Variants in ABAT observed in about 807,000 individuals in gnomAD.
ABAT encodes 4-aminobutyrate aminotransferase.
In ABAT, 45 loss-of-function variants were observed where a neutral mutation model predicts 64.6. That is an observed-to-expected ratio of 0.70 (90% CI 0.55 to 0.89). The LOEUF (loss-of-function observed/expected upper bound fraction) is 0.89, where lower values mean the gene tolerates loss of function less well. Ranked by LOEUF, ABAT falls within the 40% of genes least tolerant of loss-of-function variation. The probability of loss-of-function intolerance (pLI) is 0.00; values close to 1 mark genes in which losing one functional copy is unlikely to be tolerated. For missense variants in ABAT, 633 were observed against 658.4 expected, an observed-to-expected ratio of 0.96 and a Z score of 0.42; for synonymous variants, 297 against 250.5, an observed-to-expected ratio of 1.19 and a Z score of -1.75.
intron 1 of ABAT, among the ~76,000 whole-genome samples, chr16:8,682,089 G>C (rs1176596285): frequency 6.6e-6 from 1 of 151,974 alleles, no homozygotes; most frequent in Non-Finnish European, 1.5e-5. Flanking sequence ...AGTGTCCCCT[G>C]GGGAACAAGA....
chr16:8,732,921 C>T (rs1349192038), intron 1 of ABAT, among the ~76,000 whole-genome samples: 1 of 149,212 alleles, frequency 6.7e-6, no homozygotes, highest in Non-Finnish European at 1.5e-5. Flanking sequence ...GCTGGCCGGG[C>T]GGGGGGCTGA....
intron 2 of ABAT, among the ~76,000 whole-genome samples, chr16:8,744,733 T>A (rs1240236311): frequency 6.6e-6 from 1 of 151,492 alleles, no homozygotes; most frequent in East Asian, 2.0e-4. Context: ...CCGGGTGTAG[T>A]GGTAGGCACC....
chr16:8,693,712 G>A (rs1334901753), intron 1 of ABAT, among the ~76,000 whole-genome samples: 1 of 152,146 alleles, frequency 6.6e-6, no homozygotes, highest in Non-Finnish European at 1.5e-5. Context: ...CAAGTGATCT[G>A]CCTGCCTCAG....
In ABAT at chr16:8,776,551, G is replaced by A; in HGVS notation, c.1269+61G>A. 2 of 1,500,224 alleles carry A rather than the reference G, an allele frequency of 1.3e-6. No homozygotes were observed. Among genetic ancestry groups the A allele is most frequent in the Admixed American group, 3.9e-5 (2 of 51,118 alleles). 92.9% of individuals were successfully genotyped at this position (1,500,224 alleles called of 1,614,324 possible). A position where few individuals can be genotyped will look rare whatever the true frequency, so the allele number is the denominator to read the frequency against. On this transcript the variant is annotated intron_variant, in intron 14 of 15. Coordinates refer to ENST00000268251, the MANE Select transcript of ABAT (RefSeq NM_020686.6). The surrounding 1 kb of genome is among the most constrained non-coding windows in gnomAD (Gnocchi z 4.4). ...ATGGCTCCCCGCAGCAGCCTCCGGG[G>A]CAACACTGGAGCTCTTCGGCATGGT...
chr16:8,704,421 C>T (rs2057894575), intron 1 of ABAT, among the ~76,000 whole-genome samples: 1 of 152,176 alleles, frequency 6.6e-6, no homozygotes, highest in Non-Finnish European at 1.5e-5. Context: ...ATCTCTGTGC[C>T]TATTATTTGA....
intron 1 of ABAT, among the ~76,000 whole-genome samples, chr16:8,682,237 T>C (rs1360812957): frequency 1.6e-5 from 2 of 128,366 alleles, no homozygotes; most frequent in Non-Finnish European, 1.8e-5. Flanking sequence ...AGAGGAGGCA[T>C]TCAGGATGTA....
At chr16:8,694,008 A>G (rs753853302) in intron 1 of ABAT, among the ~76,000 whole-genome samples, 11 of 151,670 alleles carry the variant, frequency 7.3e-5, no homozygotes, top group Middle Eastern at 3.4e-3. Flanking sequence ...TTTAATTTTA[A>G]TTTTTTTATT....
intron 2 of ABAT, 46 bp from the exon 3 acceptor site, chr16:8,745,955 A>T (rs1226115651): frequency 1.9e-6 from 3 of 1,561,136 alleles, no homozygotes; most frequent in African/African-American, 1.4e-5. Flanking sequence ...AATCCTCATG[A>T]TCTCTGCTGT....
At chr16:8,770,630 C>A (rs1049479321) in intron 11 of ABAT, among the ~76,000 whole-genome samples, 1 of 151,944 alleles carries the variant, frequency 6.6e-6, no homozygotes, top group African/African-American at 2.4e-5. Flanking sequence ...TTTGCAGAAA[C>A]AGGTTTTGCC....
intron 1 of ABAT, among the ~76,000 whole-genome samples, chr16:8,735,213 C>T (rs1002320825): frequency 1.3e-5 from 2 of 148,388 alleles, no homozygotes; most frequent in East Asian, 2.0e-4. Context: ...AGTATATATT[C>T]AGTATAATAT....
chr16:8,742,625 G>T (rs2059194839), intron 2 of ABAT, among the ~76,000 whole-genome samples: 1 of 152,044 alleles, frequency 6.6e-6, no homozygotes, highest in African/African-American at 2.4e-5. Flanking sequence ...AGCACTTTGG[G>T]GGGCCAAGGC....
chr16:8,766,198 A>C lies in ABAT; in HGVS notation c.541-10A>C, dbSNP rs771274045. The C allele has an allele frequency of 3.1e-6, 5 of 1,613,784 alleles. No individual in the cohort carries two copies. The highest frequency in any genetic ancestry group is 4.2e-6 in the Non-Finnish European group (5 of 1,179,770). On this transcript the variant is annotated splice_polypyrimidine_tract_variant and intron_variant, in intron 8 of 15. Coordinates refer to ENST00000268251, the MANE Select transcript of ABAT (RefSeq NM_020686.6). Reference sequence around the variant, plus strand: ...CATCTCTGAGATTTTGTTCTGTTCTATTGTTTCAGAGCAAGGAAAGAGGGC... The same window carrying C: ...CATCTCTGAGATTTTGTTCTGTTCTCTTGTTTCAGAGCAAGGAAAGAGGGC...
At chr16:8,680,011 C>G (rs1415174073) in intron 1 of ABAT, among the ~76,000 whole-genome samples, 7 of 152,144 alleles carry the variant, frequency 4.6e-5, no homozygotes, top group Admixed American at 3.9e-4. Flanking sequence ...ATAAGATTGA[C>G]TCTCCAAGGG....
intron 2 of ABAT, among the ~76,000 whole-genome samples, chr16:8,740,238 C>A (rs1197908539): frequency 2.6e-5 from 4 of 152,112 alleles, no homozygotes; most frequent in African/African-American, 9.7e-5. Flanking sequence ...GTAACACATA[C>A]CTCCAGATTT....
intron 1 of ABAT, among the ~76,000 whole-genome samples, chr16:8,725,149 C>A (rs1184837513): frequency 1.3e-5 from 2 of 152,186 alleles, no homozygotes; most frequent in Non-Finnish European, 2.9e-5. Context: ...TTCCTGACCT[C>A]AGGTGATCTA....
At chr16:8,750,371 A>T (rs760691685) in intron 4 of ABAT, 51 bp from the exon 5 acceptor site, 12 of 1,474,568 alleles carry the variant, frequency 8.1e-6, no homozygotes, top group Middle Eastern at 3.5e-4. Context: ...CTAAAAGCCC[A>T]AGAATCTAGG....
intron 1 of ABAT, among the ~76,000 whole-genome samples, chr16:8,701,507 C>T (rs940591208): frequency 7.2e-5 from 11 of 152,216 alleles, no homozygotes; most frequent in Non-Finnish European, 1.0e-4. Context: ...ATGGGTTGGA[C>T]CCCACCTCTG....
intron 9 of ABAT, among the ~76,000 whole-genome samples, chr16:8,766,562 G>A (rs1430183656): frequency 4.6e-5 from 7 of 152,178 alleles, no homozygotes; most frequent in Non-Finnish European, 1.0e-4. Context: ...GGCTGAGGCA[G>A]GAGAATCATT....
intron 1 of ABAT, among the ~76,000 whole-genome samples, chr16:8,730,414 C>T (rs2058683941): frequency 6.6e-6 from 1 of 152,186 alleles, no homozygotes; most frequent in African/African-American, 2.4e-5. Flanking sequence ...GGCTCGGTGC[C>T]TGATTCTCCA....
Sources: allele counts gnomAD v4.1 joint callset (sites outside exome capture counted in the v4.1 genomes callset), GRCh38; gene constraint gnomAD v4.1.1; non-coding constraint Gnocchi (gnomAD v3.1); transcripts MANE v1.5; gene names NCBI Gene and HGNC (gene_info 2026-07-23, HGNC 2026-07-21).